Variants in FGD5 observed in about 807,000 individuals in gnomAD.
FGD5 encodes FYVE, RhoGEF and PH domain-containing protein 5.
FGD5 carries 28 observed loss-of-function variants against 133.4 expected under a neutral mutation model. That is an observed-to-expected ratio of 0.21 (90% confidence interval 0.16 to 0.29). FGD5 has a LOEUF of 0.29. FGD5 is among the 10% of genes least tolerant of loss of function. FGD5 has a pLI of 1.00. For synonymous variants in FGD5, 810 were observed against 776.5 expected, an observed-to-expected ratio of 1.04 and a Z score of -0.72; for missense variants, 1,858 against 1,895.2, an observed-to-expected ratio of 0.98 and a Z score of 0.36.
At chr3:14,827,107 C>G (rs529283188) in intron 1 of FGD5, among the ~76,000 whole-genome samples, 2 of 152,186 alleles carry the variant, frequency 1.3e-5, no homozygotes, top group African/African-American at 4.8e-5. Flanking sequence ...ATTTCCAGCT[C>G]CCATTTTCCA....
intron 1 of FGD5, among the ~76,000 whole-genome samples, chr3:14,851,514 G>C (rs188144574): frequency 2.0e-5 from 3 of 152,342 alleles, no homozygotes; most frequent in Non-Finnish European, 4.4e-5. Context: ...TGACCCAACA[G>C]TGTGGCAGAA....
chr3:14,876,870 C>G (rs766388508), intron 2 of FGD5, among the ~76,000 whole-genome samples: 1 of 152,230 alleles, frequency 6.6e-6, no homozygotes, highest in Non-Finnish European at 1.5e-5. Flanking sequence ...ATTCTTGACT[C>G]TTTGTGTGAC....
At position 14,819,302 on chromosome 3, in the gene FGD5, A is replaced by T; in HGVS notation, c.231A>T (p.Glu77Asp). 6.5e-7 allele frequency: 1 copy of T among 1,531,362 alleles called. No homozygotes were observed. Among genetic ancestry groups the T allele is most frequent in the South Asian group, 1.3e-5 (1 of 79,870 alleles). The allele number at this position is 1,531,362 out of a possible 1,614,324, so 94.9% of individuals were successfully genotyped here. A position where few individuals can be genotyped will look rare whatever the true frequency, so the allele number is the denominator to read the frequency against. ...VVPRVPLRED[E>D]PKDEGSVGNK... is the part of the protein sequence containing the mutation. Reference sequence around the variant, plus strand: ...CCAGGGTTCCGCTGAGGGAGGATGAACCCAAGGACGAGGGCAGTGTGGGGA... The same window carrying T: ...CCAGGGTTCCGCTGAGGGAGGATGATCCCAAGGACGAGGGCAGTGTGGGGA... The change falls in exon 1 of 20, where the codon GAA (glutamate) becomes GAT (aspartate). Residue 77 changes from glutamate to aspartate, a missense_variant. By Grantham distance (45) the Glu-to-Asp change is conservative. This residue lies in a region of FGD5 where 1,824 missense variants were observed against 1,848.9 expected (regional missense o/e 0.99). Transcript: ENST00000285046. This position sits in a 1 kb window ranked among gnomAD's most constrained non-coding sequence, Gnocchi z 4.1.
chr3:14,867,550 A>G (rs1445964859), intron 2 of FGD5, among the ~76,000 whole-genome samples: 2 of 152,164 alleles, frequency 1.3e-5, no homozygotes, highest in African/African-American at 2.4e-5. Flanking sequence ...CATATCCACT[A>G]CCATGTGACA....
chr3:14,821,008 A>C lies in FGD5; in HGVS notation c.1937A>C (p.Tyr646Ser). The C allele has an allele frequency of 1.2e-6, 2 of 1,613,918 alleles. No individual in the cohort carries two copies. Among genetic ancestry groups the C allele is most frequent in the Non-Finnish European group, 1.7e-6 (2 of 1,179,878 alleles). ...ATCGAGAGCGACTCCCCGGACAAGT[A>C]CAAGAAGAAGAAGTCATCCTTTAAG... is the stretch of plus-strand genomic sequence containing the variant. ...LLIESDSPDKYKKKKSSFKRF... is the reference protein window; with the variant it reads ...LLIESDSPDKSKKKKSSFKRF... Residue 646 changes from tyrosine to serine, a missense_variant, in exon 1 of 20, where the codon TAC becomes TCC. Tyr to Ser is a moderately radical substitution (Grantham distance 144). Transcript: ENST00000285046.
At chr3:14,889,170 C>T (rs562014031) in intron 4 of FGD5, among the ~76,000 whole-genome samples, 1 of 152,096 alleles carries the variant, frequency 6.6e-6, no homozygotes, top group Non-Finnish European at 1.5e-5. Flanking sequence ...AAATGGGGAG[C>T]GCTTGCTTGT....
chr3:14,815,358 A>T (rs546024294), upstream of FGD5, among the ~76,000 whole-genome samples: 46 of 152,250 alleles, frequency 3.0e-4, 1 homozygote, highest in South Asian at 9.3e-3. Flanking sequence ...TCGCAAAAAA[A>T]AAAAAAATAC....
chr3:14,852,942 T>C (rs9837553), intron 1 of FGD5, among the ~76,000 whole-genome samples: 2,375 of 152,264 alleles, frequency 0.016, 61 homozygotes, highest in African/African-American at 0.053. Context: ...GTTTCATATG[T>C]CTGGGTGTTT....
chr3:14,922,659 A>G lies in FGD5; in HGVS notation c.3807+111A>G, dbSNP rs1348039942. On this transcript the variant is annotated intron_variant, in intron 15 of 19. Coordinates refer to ENST00000285046, the MANE Select transcript of FGD5 (RefSeq NM_152536.4). The surrounding 1 kb of genome is among the most constrained non-coding windows in gnomAD (Gnocchi z 4.1). Reference sequence around the variant, plus strand: ...GTCCAGCAGCTACTGTAAGCCCCAGAGTGAGGCATGTTCACACCAACCCGA... The same window carrying G: ...GTCCAGCAGCTACTGTAAGCCCCAGGGTGAGGCATGTTCACACCAACCCGA... The G allele has an allele frequency of 1.6e-5, 23 of 1,419,576 alleles. No homozygotes were observed. The highest frequency in any genetic ancestry group is 2.2e-5 in the Non-Finnish European group (23 of 1,058,448). The allele number at this position is 1,419,576 out of a possible 1,614,324, so 87.9% of individuals were successfully genotyped here. A position where few individuals can be genotyped will look rare whatever the true frequency, so the allele number is the denominator to read the frequency against.
intron 1 of FGD5, 63 bp downstream of exon 1, chr3:14,821,659 T>C (rs1268734329): frequency 1.1e-5 from 16 of 1,459,626 alleles, no homozygotes; most frequent in Non-Finnish European, 1.4e-5. Flanking sequence ...GCAGCGTGGG[T>C]GTGGGGGACA....
intron 1 of FGD5, among the ~76,000 whole-genome samples, chr3:14,836,335 G>A (rs547232505): frequency 2.0e-5 from 3 of 152,332 alleles, no homozygotes; most frequent in South Asian, 2.1e-4. Context: ...TTTGCTTGCC[G>A]GCTGGAGGCC....
At chr3:14,924,163 T>C (rs774671900) in intron 17 of FGD5, 25 bp downstream of exon 17, 14 of 1,613,752 alleles carry the variant, frequency 8.7e-6, no homozygotes, top group Non-Finnish European at 1.2e-5. Context: ...GCTACCCAAG[T>C]GGGAAGTAGG....
chr3:14,843,466 GCCACTGAGTCCACCC>G (rs902926407), intron 1 of FGD5, among the ~76,000 whole-genome samples: 61 of 152,140 alleles, frequency 4.0e-4, no homozygotes, highest in African/African-American at 1.5e-3. Context: ...CTCAGGGACG[GCCACTGAGTCCACCC>G]CAGGCTCTGC....
intron 8 of FGD5, 136 bp downstream of exon 8, chr3:14,900,589 A>G (rs144034214): frequency 4.7e-5 from 44 of 931,004 alleles, no homozygotes; most frequent in Middle Eastern, 6.1e-4. Flanking sequence ...TGCATATGAC[A>G]CATCTTGGAC....
chr3:14,896,539 C>T (rs554379476), intron 4 of FGD5, among the ~76,000 whole-genome samples: 1 of 151,924 alleles, frequency 6.6e-6, no homozygotes, highest in African/African-American at 2.4e-5. Context: ...GGCGCGATCT[C>T]GGCTCACTGC....
chr3:14,867,910 C>A (rs2037528634), intron 2 of FGD5, among the ~76,000 whole-genome samples: 1 of 152,018 alleles, frequency 6.6e-6, no homozygotes, highest in Non-Finnish European at 1.5e-5. Flanking sequence ...CCTGTGGGCC[C>A]CGGGAGGTGT....
intron 2 of FGD5, among the ~76,000 whole-genome samples, chr3:14,875,190 G>C (rs1408224819): frequency 2.0e-5 from 3 of 152,160 alleles, no homozygotes; most frequent in Non-Finnish European, 4.4e-5. Flanking sequence ...CTCCAGATGT[G>C]ACTTCAGAAT....
chr3:14,870,182 G>A (rs1464236630), intron 2 of FGD5, among the ~76,000 whole-genome samples: 1 of 152,228 alleles, frequency 6.6e-6, no homozygotes, highest in Non-Finnish European at 1.5e-5. Context: ...AAGCCCTAGG[G>A]CAGAGCCTTC....
At chr3:14,817,125 T>G (rs2036381678), upstream of FGD5, among the ~76,000 whole-genome samples, 1 of 152,244 alleles carries the variant, frequency 6.6e-6, no homozygotes, top group Non-Finnish European at 1.5e-5. Context: ...TTAATACATT[T>G]TATATATTGA....
Sources: allele counts gnomAD v4.1 joint callset (sites outside exome capture counted in the v4.1 genomes callset), GRCh38; gene constraint gnomAD v4.1.1; regional missense constraint gnomAD v4.1.1; non-coding constraint Gnocchi (gnomAD v3.1); transcripts MANE v1.5; gene names NCBI Gene and HGNC (gene_info 2026-07-23, HGNC 2026-07-21).